RELN: variants seen among roughly 807,000 people sequenced by gnomAD.
RELN encodes reelin.
In RELN, 108 loss-of-function variants were observed where a neutral mutation model predicts 427.6. That is an observed-to-expected ratio of 0.25 (90% CI 0.22 to 0.30). The LOEUF (loss-of-function observed/expected upper bound fraction) is 0.30. Ranked by LOEUF, RELN falls within the 10% of genes least tolerant of loss-of-function variation. The probability of loss-of-function intolerance (pLI) is 1.00; values close to 1 mark genes in which losing one functional copy is unlikely to be tolerated. For missense variants in RELN, 3,715 were observed against 4,302.8 expected (o/e 0.86, Z 3.82); for synonymous variants, 1,524 against 1,513.4 (o/e 1.01, Z -0.16).
At chr7:103,697,818 A>G (rs1256113159) in intron 10 of RELN, 35 bp downstream of exon 10, 1 of 1,613,146 alleles carries the variant, frequency 6.2e-7, no homozygotes, top group African/African-American at 1.3e-5. Context: ...GAGATGAAGG[A>G]TTAAAACAAC....
chr7:103,966,073 A>G (rs1005738331), intron 1 of RELN, among the ~76,000 whole-genome samples: 1 of 152,256 alleles, frequency 6.6e-6, no homozygotes, highest in African/African-American at 2.4e-5. Flanking sequence ...ATTGATAAAA[A>G]CAAGACAAGT....
At chr7:103,525,755 G>A (rs1829810320) in intron 46 of RELN, among the ~76,000 whole-genome samples, 1 of 151,466 alleles carries the variant, frequency 6.6e-6, no homozygotes. Flanking sequence ...GTATCCCTTA[G>A]GGAATATTGG....
At chr7:103,590,561 A>ACAATCAATCAATCAAT (rs1170230280) in intron 27 of RELN, among the ~76,000 whole-genome samples, 6 of 78,000 alleles carry the variant, frequency 7.7e-5, no homozygotes, top group African/African-American at 3.6e-4. Flanking sequence ...CTCCATCTCA[A>ACAATCAATCAATCAAT]CAATAAATAA....
rs144999558 is a variant in RELN, at chr7:103,709,325, C to G, written c.806-8319G>C. On this transcript the variant is annotated intron_variant, in intron 8 of 64. Transcript: ENST00000428762. ...CTGCCAATGCTACATTTCTGTTCCT[C>G]TGTTTAATATCTTTCCCTGGTGACA... Among the ~76,000 whole-genome samples, 47 of 152,264 alleles carry G rather than the reference C, an allele frequency of 3.1e-4. 1 individual carries two copies. In the East Asian group the frequency reaches 8.7e-3, roughly 28 times the overall value.
intron 6 of RELN, among the ~76,000 whole-genome samples, chr7:103,739,788 AG>A (rs1373655975): frequency 5.3e-5 from 8 of 152,210 alleles, no homozygotes; most frequent in Non-Finnish European, 1.2e-4. Context: ...TAGGAGGCAA[AG>A]AGTAGAAGGA....
In RELN at chr7:103,629,959, C is replaced by T; in HGVS notation, c.2683G>A (p.Gly895Ser). 1 of 1,610,676 alleles carries T rather than the reference C, an allele frequency of 6.2e-7. No homozygotes were observed. The highest frequency in any genetic ancestry group is 1.1e-5 in the South Asian group (1 of 91,024). ...FYLGNVQPYCGHDWTLCFTGD... is the reference protein window; with the variant it reads ...FYLGNVQPYCSHDWTLCFTGD... ...CCTTACCAAAGGGTCCAGTCGTGGC[C>T]ACAGTATGGCTGAACATTTCCAAGG... Residue 895 changes from glycine (G) to serine (S), a missense_variant, in exon 20 of 65, where the codon GGC becomes AGC. Physicochemically the swap from Gly to Ser is moderately conservative, Grantham distance 56. Coordinates refer to ENST00000428762, the MANE Select transcript of RELN (RefSeq NM_005045.4).
At chr7:103,522,628 G>A (rs917560992) in intron 47 of RELN, among the ~76,000 whole-genome samples, 16 of 152,058 alleles carry the variant, frequency 1.1e-4, no homozygotes, top group African/African-American at 3.9e-4. Context: ...AGATACTTTG[G>A]GCAATAACTG....
chr7:103,493,384 A>G (rs543091945), intron 57 of RELN, among the ~76,000 whole-genome samples: 1 of 152,260 alleles, frequency 6.6e-6, no homozygotes, highest in Admixed American at 6.6e-5. Context: ...AGAAACAGGA[A>G]AATCAGAGGA....
chr7:103,742,816 G>C (rs1299630556), intron 6 of RELN, among the ~76,000 whole-genome samples: 1 of 152,170 alleles, frequency 6.6e-6, no homozygotes, highest in Non-Finnish European at 1.5e-5. Flanking sequence ...GGGGAGAATG[G>C]AACCCAGCTG....
At chr7:103,661,319 T>A (rs1833134231) in intron 12 of RELN, 57 bp downstream of exon 12, 1 of 1,546,222 alleles carries the variant, frequency 6.5e-7, no homozygotes, top group Admixed American at 1.7e-5. Context: ...TCCTCAGGAA[T>A]AGGTGCTGGC....
intron 22 of RELN, 38 bp from the exon 23 acceptor site, chr7:103,604,521 C>G: frequency 1.9e-6 from 3 of 1,612,320 alleles, no homozygotes; most frequent in Non-Finnish European, 1.7e-6. Flanking sequence ...ACGGTTTCAA[C>G]CTTTCAGCAG....
chr7:103,681,580 G>C (rs1833653328), intron 11 of RELN, among the ~76,000 whole-genome samples: 1 of 151,978 alleles, frequency 6.6e-6, no homozygotes, highest in South Asian at 2.1e-4. Flanking sequence ...ACACAGCTCA[G>C]AACAGCAAGA....
chr7:103,691,711 G>A (rs1253195977), intron 10 of RELN, among the ~76,000 whole-genome samples: 1 of 152,076 alleles, frequency 6.6e-6, no homozygotes, highest in East Asian at 1.9e-4. Flanking sequence ...TACTCAGGAG[G>A]CTAAGGCACA....
chr7:103,500,171 CTG>C (rs752846468), intron 53 of RELN, among the ~76,000 whole-genome samples: 19 of 152,126 alleles, frequency 1.2e-4, no homozygotes, highest in Non-Finnish European at 1.9e-4. Flanking sequence ...TATGTGGCAA[CTG>C]TGTTGGGTAA....
At chr7:103,506,077 T>C (rs1829199933) in intron 51 of RELN, among the ~76,000 whole-genome samples, 2 of 152,182 alleles carry the variant, frequency 1.3e-5, no homozygotes, top group East Asian at 1.9e-4. Flanking sequence ...CCAAGAAATA[T>C]GGGACTACGT....
chr7:103,653,339 T>C (rs963780995), intron 13 of RELN, among the ~76,000 whole-genome samples: 3 of 152,108 alleles, frequency 2.0e-5, no homozygotes, highest in African/African-American at 7.2e-5. Flanking sequence ...TGGGTTACCC[T>C]TGCATGTGGA....
chr7:103,833,333 G>T (rs891310019), intron 3 of RELN, among the ~76,000 whole-genome samples: 3 of 151,950 alleles, frequency 2.0e-5, no homozygotes, highest in African/African-American at 4.8e-5. Context: ...TTAGACCTTT[G>T]GAGGTACATA....
Position 103,503,228 on chromosome 7 carries a change from G to T in RELN, c.8277C>A (p.Ile2759=), listed in dbSNP as rs1226812629. Residue 2759 remains isoleucine (I), a splice_region_variant and synonymous_variant, in exon 52 of 65, where the codon ATC becomes ATA. Transcript: ENST00000428762. The part of the protein sequence containing the change: ...PTEGWIMQFK[I]SVGCKVSEKI... ...TTTCAGACACCTTACATCCAACTGA[G>T]ATCTAATAAACAGAAAAACAAGATC... The T allele has an allele frequency of 1.9e-6, 3 of 1,613,242 alleles. No individual in the cohort carries two copies. The highest frequency in any genetic ancestry group is 2.2e-5 in the South Asian group (2 of 91,060).
intron 11 of RELN, among the ~76,000 whole-genome samples, chr7:103,677,765 C>CAAAAAAAA (rs60678229): frequency 5.4e-5 from 3 of 56,030 alleles, no homozygotes; most frequent in Non-Finnish European, 6.3e-5. Context: ...GAATCTGTCT[C>CAAAAAAAA]AAAAAAAAAA....
Sources: allele counts gnomAD v4.1 joint callset (sites outside exome capture counted in the v4.1 genomes callset), GRCh38; gene constraint gnomAD v4.1.1; transcripts MANE v1.5; gene names NCBI Gene and HGNC (gene_info 2026-07-23, HGNC 2026-07-21).